CAMK2G: variants seen among roughly 807,000 people sequenced by gnomAD.
CAMK2G encodes calcium/calmodulin dependent protein kinase II gamma, also known as calcium/calmodulin-dependent protein kinase type II subunit gamma.
A neutral mutation model predicts 88.7 loss-of-function variants in CAMK2G; 23 were observed. The observed-to-expected ratio is 0.26, with a 90% CI of 0.19 to 0.37. The LOEUF (loss-of-function observed/expected upper bound fraction) is 0.37. CAMK2G is among the 10% of genes least tolerant of loss of function. The pLI, the probability that CAMK2G is intolerant of heterozygous loss-of-function variation, is 1.00. For missense variants in CAMK2G, 476 were observed against 780.8 expected (o/e 0.61, Z 4.65); for synonymous variants, 263 against 294.8 (o/e 0.89, Z 1.11).
chr10:73,824,478 ATGTG>A (rs2090248347), intron 16 of CAMK2G, among the ~76,000 whole-genome samples: 1 of 152,192 alleles, frequency 6.6e-6, no homozygotes, highest in South Asian at 2.1e-4. Flanking sequence ...ATCACGGGGA[ATGTG>A]TGAGGCAGGA....
rs375585838 is a variant in CAMK2G, at chr10:73,837,477, G to A, written c.1044C>T (p.Gly348=). 2.4e-5 allele frequency: 39 copies of A among 1,613,004 alleles called. No homozygotes were observed. The African/African-American group carries it at 2.8e-4, about 12-fold the overall frequency. Residue 348 remains glycine (G), a synonymous_variant, in exon 14 of 23, where the codon GGC becomes GGT. Transcript: ENST00000423381. ...AKSLLNKKSD[G]GVKKRKSSSS... is the part of the protein sequence containing the mutation. Reference sequence around the variant, plus strand: ...GGCTGGAGACACTTACCTTGACACCGCCATCCGACTTCTTGTTCAATAGGC... The same window carrying A: ...GGCTGGAGACACTTACCTTGACACCACCATCCGACTTCTTGTTCAATAGGC...
chr10:73,873,074 G>GA lies in CAMK2G; in HGVS notation c.74dup (p.Ser26LeufsTer36). 1 of 1,610,898 alleles carries GA rather than the reference G, an allele frequency of 6.2e-7. No homozygotes were observed. The highest frequency in any genetic ancestry group is 8.5e-7 in the Non-Finnish European group (1 of 1,177,212). On this transcript the variant is annotated frameshift_variant, in exon 2 of 23. Transcript: ENST00000423381. LOFTEE classifies it high-confidence loss of function. ...TCTTCACACACCTGCGGACCACAGAGAAAGCACCCCTGGAGGGAGAAGGGG... is the reference window on the plus strand; with the variant it reads ...TCTTCACACACCTGCGGACCACAGAGAAAAGCACCCCTGGAGGGAGAAGGGG...
Position 73,821,670 on chromosome 10 carries a change from G to C in CAMK2G, c.1249+12C>G. 6.2e-7 allele frequency: 1 copy of C among 1,606,386 alleles called. No individual in the cohort carries two copies. The highest frequency in any genetic ancestry group is 8.5e-7 in the Non-Finnish European group (1 of 1,175,444). Reference sequence around the variant, plus strand: ...TGCTGGAGTCCTTCCCCCTCCAAGGGCCAGCACCTACCTTTGAGGTCCTCA... The same window carrying C: ...TGCTGGAGTCCTTCCCCCTCCAAGGCCCAGCACCTACCTTTGAGGTCCTCA... On this transcript the variant is annotated intron_variant, in intron 18 of 22. Coordinates refer to ENST00000423381, the MANE Select transcript of CAMK2G (RefSeq NM_001367534.1).
chr10:73,850,553 A>G (rs1455276777), intron 5 of CAMK2G, among the ~76,000 whole-genome samples: 2 of 152,254 alleles, frequency 1.3e-5, no homozygotes, highest in African/African-American at 4.8e-5. Flanking sequence ...CACAATGCAC[A>G]GGAGAGGCCT....
intron 14 of CAMK2G, 63 bp downstream of exon 14, chr10:73,837,405 A>G (rs1000002170): frequency 2.3e-6 from 3 of 1,331,656 alleles, no homozygotes; most frequent in African/African-American, 2.9e-5. Context: ...CCAGGTGCCA[A>G]GAATTCCCAT....
At chr10:73,821,792 C>G in intron 17 of CAMK2G, 62 bp from the exon 18 acceptor site, 1 of 1,377,622 alleles carries the variant, frequency 7.3e-7, no homozygotes, top group Non-Finnish European at 1.0e-6. Flanking sequence ...AGGAGCAAAG[C>G]AGAACAAAAG....
chr10:73,845,652 G>T (rs908932979), intron 10 of CAMK2G, among the ~76,000 whole-genome samples: 57 of 151,414 alleles, frequency 3.8e-4, no homozygotes, highest in African/African-American at 1.3e-3. Flanking sequence ...TTCTGGGTCA[G>T]TGAGGGTACA....
At chr10:73,829,685 A>ATATATAATATAAG (rs976608471) in intron 14 of CAMK2G, among the ~76,000 whole-genome samples, 1 of 92,672 alleles carries the variant, frequency 1.1e-5, no homozygotes. Context: ...TTATATTCAT[A>ATATATAATATAAG]TATATAAGTA....
chr10:73,867,826 C>T (rs192508515), intron 2 of CAMK2G, among the ~76,000 whole-genome samples: 13 of 152,250 alleles, frequency 8.5e-5, no homozygotes, highest in African/African-American at 2.6e-4. Context: ...TAAAGAAAGG[C>T]GCCAAGGAGT....
intron 10 of CAMK2G, among the ~76,000 whole-genome samples, chr10:73,845,088 A>C (rs971585534): frequency 4.6e-5 from 7 of 152,220 alleles, no homozygotes. Flanking sequence ...GCTCACCGTA[A>C]GAACTCAACC....
intron 21 of CAMK2G, chr10:73,816,729 G>A (rs2085665674): frequency 7.5e-7 from 1 of 1,338,386 alleles, no homozygotes; most frequent in African/African-American, 1.5e-5. Flanking sequence ...AAAGTGTTGG[G>A]ATTACAGGCG....
Position 73,848,483 on chromosome 10 carries a change from G to A in CAMK2G, c.601+43C>T, listed in dbSNP as rs1463117366. The A allele has an allele frequency of 8.0e-7, 1 of 1,257,370 alleles. No individual in the cohort carries two copies. The highest frequency in any genetic ancestry group is 2.3e-5 in the East Asian group (1 of 43,084). 77.9% of individuals were successfully genotyped at this position (1,257,370 alleles called of 1,614,324 possible). ...CTTTCTTGCCATCATCGGAAGTTGAGGGCCCTTAACAGCGAAAAGCTGAGA... is the reference window on the plus strand; with the variant it reads ...CTTTCTTGCCATCATCGGAAGTTGAAGGCCCTTAACAGCGAAAAGCTGAGA... On this transcript the variant is annotated intron_variant, in intron 8 of 22. Coordinates refer to ENST00000423381, the MANE Select transcript of CAMK2G (RefSeq NM_001367534.1). The surrounding 1 kb of genome is among the most constrained non-coding windows in gnomAD (Gnocchi z 4.5).
At position 73,813,308 on chromosome 10, in the gene CAMK2G, T is replaced by C. The variant is rs892748434; in HGVS notation, c.*1210A>G. The C allele has an allele frequency of 4.6e-5, 7 of 152,662 alleles. No homozygotes were observed. The highest frequency in any genetic ancestry group is 3.9e-4 in the East Asian group (2 of 5,194). The allele number at this position is 152,662 out of a possible 1,614,324, so 9.5% of individuals were successfully genotyped here. A position where few individuals can be genotyped will look rare whatever the true frequency, so the allele number is the denominator to read the frequency against. ...GTCCAGCAGTAAGTCTATACTTCAG[T>C]TGGTCAGTAAAGAGGCCTCTGTAAG... is the stretch of plus-strand genomic sequence containing the variant. On this transcript the variant is annotated 3_prime_UTR_variant, in exon 23 of 23. Transcript: ENST00000423381.
chr10:73,868,479 C>T (rs1454368212), intron 2 of CAMK2G, among the ~76,000 whole-genome samples: 2 of 152,182 alleles, frequency 1.3e-5, no homozygotes, highest in African/African-American at 2.4e-5. Context: ...GACCTGCAGT[C>T]GGCTTCCATC....
intron 1 of CAMK2G, chr10:73,873,532 G>A (rs2095922260): frequency 1.0e-6 from 1 of 1,001,386 alleles, no homozygotes; most frequent in Admixed American, 5.5e-5. Flanking sequence ...CCCTGAAAGA[G>A]AAATCTCCCT....
At chr10:73,864,072 C>T (rs938068514) in intron 2 of CAMK2G, among the ~76,000 whole-genome samples, 10 of 152,184 alleles carry the variant, frequency 6.6e-5, no homozygotes, top group African/African-American at 1.4e-4. Context: ...TGGCTGGGCG[C>T]GGTGGGTCAC....
At chr10:73,869,337 T>A (rs1367861572) in intron 2 of CAMK2G, among the ~76,000 whole-genome samples, 1 of 152,152 alleles carries the variant, frequency 6.6e-6, no homozygotes, top group African/African-American at 2.4e-5. Context: ...ATAGTGCCAT[T>A]TAGTGACAGG....
At chr10:73,856,272 A>C (rs569742717) in intron 3 of CAMK2G, among the ~76,000 whole-genome samples, 1 of 152,312 alleles carries the variant, frequency 6.6e-6, no homozygotes, top group Admixed American at 6.5e-5. Flanking sequence ...CCAAAATCAC[A>C]CTAAGTGGCA....
At chr10:73,865,823 A>C (rs2095565281) in intron 2 of CAMK2G, among the ~76,000 whole-genome samples, 4 of 151,030 alleles carry the variant, frequency 2.6e-5, no homozygotes, top group East Asian at 2.0e-4. Context: ...TCCAAGGTGG[A>C]CCCTCCTCCA....
Sources: allele counts gnomAD v4.1 joint callset (sites outside exome capture counted in the v4.1 genomes callset), GRCh38; gene constraint gnomAD v4.1.1; non-coding constraint Gnocchi (gnomAD v3.1); transcripts MANE v1.5; gene names NCBI Gene and HGNC (gene_info 2026-07-23, HGNC 2026-07-21).